The following CACNA2D3 variants were observed in gnomAD, a reference collection of about 807,000 sequenced individuals.
CACNA2D3 encodes the protein calcium voltage-gated channel auxiliary subunit alpha2delta 3, also known as voltage-dependent calcium channel subunit alpha-2/delta-3.
In CACNA2D3, 60 loss-of-function variants were observed where a neutral mutation model predicts 160.6. The ratio of observed to expected loss-of-function variants is 0.37; its 90% CI spans 0.30 to 0.46. The LOEUF (loss-of-function observed/expected upper bound fraction) is 0.46. Ranked by LOEUF, CACNA2D3 falls within the 20% of genes least tolerant of loss-of-function variation. The probability of loss-of-function intolerance (pLI) is 1.00; values close to 1 mark genes in which losing one functional copy is unlikely to be tolerated. For missense variants in CACNA2D3, 1,205 were observed against 1,365.0 expected, an observed-to-expected ratio of 0.88 and a Z score of 1.85; for synonymous variants, 558 against 492.9, an observed-to-expected ratio of 1.13 and a Z score of -1.75.
At chr3:54,204,024 C>T (rs935309600) in intron 2 of CACNA2D3, among the ~76,000 whole-genome samples, 2 of 151,994 alleles carry the variant, frequency 1.3e-5, no homozygotes, top group Non-Finnish European at 2.9e-5. Context: ...GCTCCTGTAT[C>T]CAAAAGACAG....
At chr3:54,924,877 TGC>T in intron 27 of CACNA2D3, 1 of 1,613,798 alleles carries the variant, frequency 6.2e-7, no homozygotes, top group Non-Finnish European at 8.5e-7. Context: ...TGGAAAAGTC[TGC>T]TTTCCAGGGA....
intron 18 of CACNA2D3, among the ~76,000 whole-genome samples, chr3:54,874,204 A>G (rs139262533): frequency 2.0e-3 from 305 of 152,332 alleles, no homozygotes; most frequent in Middle Eastern, 3.4e-3. Context: ...TAAAAGAAAA[A>G]AAGACAACAA....
At chr3:54,779,381 G>A (rs1702489845) in intron 13 of CACNA2D3, among the ~76,000 whole-genome samples, 1 of 152,162 alleles carries the variant, frequency 6.6e-6, no homozygotes, top group South Asian at 2.1e-4. Flanking sequence ...TTACAGGTGT[G>A]AGCTACCACT....
At chr3:54,352,590 G>C (rs887360215) in intron 3 of CACNA2D3, among the ~76,000 whole-genome samples, 1 of 152,164 alleles carries the variant, frequency 6.6e-6, no homozygotes, top group Non-Finnish European at 1.5e-5. Flanking sequence ...CTTCCCAATC[G>C]GATCAGGCAC....
intron 31 of CACNA2D3, among the ~76,000 whole-genome samples, chr3:54,990,030 G>A (rs1702704390): frequency 6.6e-6 from 1 of 152,132 alleles, no homozygotes; most frequent in African/African-American, 2.4e-5. Context: ...GTAACTGACA[G>A]CACTCTGGAT....
At chr3:54,373,404 G>A (rs995826497) in intron 3 of CACNA2D3, among the ~76,000 whole-genome samples, 3 of 152,068 alleles carry the variant, frequency 2.0e-5, no homozygotes, top group African/African-American at 7.2e-5. Context: ...CAAGGCCCCT[G>A]GTATGTTATG....
intron 4 of CACNA2D3, among the ~76,000 whole-genome samples, chr3:54,465,141 A>C (rs556610061): frequency 2.3e-4 from 35 of 151,596 alleles, no homozygotes; most frequent in African/African-American, 7.3e-4. Context: ...TCTGTCGTTA[A>C]CAAATTCAGT....
At chr3:54,705,460 T>C (rs1700841257) in intron 11 of CACNA2D3, among the ~76,000 whole-genome samples, 1 of 152,228 alleles carries the variant, frequency 6.6e-6, no homozygotes, top group Non-Finnish European at 1.5e-5. Context: ...AGTGCTGCAA[T>C]TGGTTCTCAC....
chr3:54,859,264 A>C (rs1158527864), intron 17 of CACNA2D3, among the ~76,000 whole-genome samples: 1 of 152,230 alleles, frequency 6.6e-6, no homozygotes, highest in Non-Finnish European at 1.5e-5. Flanking sequence ...GCTCTTTGGC[A>C]CAATAATTTA....
chr3:55,051,890 T>G (rs975326858), intron 35 of CACNA2D3, among the ~76,000 whole-genome samples: 7 of 152,114 alleles, frequency 4.6e-5, no homozygotes, highest in African/African-American at 9.7e-5. Flanking sequence ...TGTCACCCCT[T>G]TCTTTGAGTC....
chr3:54,222,563 C>T (rs1701595164), intron 2 of CACNA2D3, among the ~76,000 whole-genome samples: 1 of 152,200 alleles, frequency 6.6e-6, no homozygotes, highest in African/African-American at 2.4e-5. Context: ...CACACTAACC[C>T]TGTGCCCCAG....
intron 5 of CACNA2D3, among the ~76,000 whole-genome samples, chr3:54,524,182 A>G (rs1376595454): frequency 1.3e-5 from 2 of 151,978 alleles, no homozygotes; most frequent in East Asian, 3.8e-4. Context: ...GCACTACATA[A>G]GTTTTGGTCT....
In CACNA2D3 at chr3:54,911,351, C is replaced by CTTTTT. The variant is rs58289082; in HGVS notation, c.2449+11501_2449+11505dup. ...CCTCCTCCCCCTCCTTCTTTGTCGT[C>CTTTTT]TTTTTTTTTTTTTTTTTTTTTTAAA... On this transcript the variant is annotated intron_variant, in intron 27 of 37. Coordinates refer to ENST00000474759, the MANE Select transcript of CACNA2D3 (RefSeq NM_018398.3). Among the ~76,000 whole-genome samples, 13 of 58,584 alleles carry CTTTTT rather than the reference C, an allele frequency of 2.2e-4. 2 individuals carry two copies. The highest frequency in any genetic ancestry group is 3.0e-4 in the Non-Finnish European group (11 of 37,218). 38.4% of individuals were successfully genotyped at this position (58,584 alleles called of 152,430 possible). A position where few individuals can be genotyped will look rare whatever the true frequency, so the allele number is the denominator to read the frequency against.
At chr3:54,245,224 T>TA (rs932166414) in intron 2 of CACNA2D3, among the ~76,000 whole-genome samples, 1 of 151,992 alleles carries the variant, frequency 6.6e-6, no homozygotes, top group African/African-American at 2.4e-5. Flanking sequence ...ATTTTTTTTT[T>TA]AAAAAATTTA....
chr3:54,325,075 C>CT, intron 3 of CACNA2D3, among the ~76,000 whole-genome samples: 1 of 152,250 alleles, frequency 6.6e-6, no homozygotes, highest in East Asian at 1.9e-4. Context: ...CCAGCCTTTC[C>CT]TTTGTCTTTA....
chr3:54,255,508 T>C (rs1487890111), intron 2 of CACNA2D3, among the ~76,000 whole-genome samples: 2 of 152,200 alleles, frequency 1.3e-5, no homozygotes, highest in African/African-American at 4.8e-5. Context: ...TGTATGATCA[T>C]CATCTCTCCT....
intron 12 of CACNA2D3, among the ~76,000 whole-genome samples, chr3:54,763,239 A>G (rs1289585484): frequency 6.6e-6 from 1 of 152,106 alleles, no homozygotes; most frequent in East Asian, 1.9e-4. Flanking sequence ...AAATTAAGAG[A>G]CTTACAAACC....
intron 2 of CACNA2D3, among the ~76,000 whole-genome samples, chr3:54,295,902 T>G (rs1200136505): frequency 5.3e-5 from 8 of 152,194 alleles, no homozygotes; most frequent in Admixed American, 5.2e-4. Flanking sequence ...TTTGGCTTAG[T>G]GATTTTGGGG....
At chr3:54,128,225 G>C (rs1699637033) in intron 2 of CACNA2D3, among the ~76,000 whole-genome samples, 1 of 152,116 alleles carries the variant, frequency 6.6e-6, no homozygotes, top group African/African-American at 2.4e-5. Context: ...CAAACCACCT[G>C]ATAATTCTGA....
Sources: gnomAD v4.1 joint callset for allele counts (sites outside exome capture counted in the v4.1 genomes callset) on GRCh38, gnomAD v4.1.1 for gene constraint, MANE v1.5 for transcripts, NCBI Gene and HGNC (gene_info 2026-07-23, HGNC 2026-07-21) for gene names.